CRTC2: variants seen among roughly 807,000 people sequenced by gnomAD.
CRTC2 encodes the protein CREB-regulated transcription coactivator 2.
Under a neutral mutation model 70.9 loss-of-function variants are expected in CRTC2, and 25 were observed. The observed-to-expected ratio is 0.35, with a 90% CI of 0.26 to 0.49. The LOEUF is 0.49. Ranked by LOEUF, CRTC2 falls within the 20% of genes least tolerant of loss-of-function variation. The pLI, the probability that CRTC2 is intolerant of heterozygous loss-of-function variation, is 0.98. For missense variants in CRTC2, 737 were observed against 882.6 expected (o/e 0.83, Z 2.09); for synonymous variants, 330 against 364.1 (o/e 0.91, Z 1.07).
Position 153,948,874 on chromosome 1 carries a change from T to C in CRTC2, c.1675-230A>G, listed in dbSNP as rs748765363. The C allele has an allele frequency of 4.0e-6, 3 of 742,804 alleles. No individual in the cohort carries two copies. In the African/African-American group the frequency reaches 5.2e-5, roughly 13 times the overall value. 46.0% of individuals were successfully genotyped at this position (742,804 alleles called of 1,614,324 possible). A position where few individuals can be genotyped will look rare whatever the true frequency, so the allele number is the denominator to read the frequency against. ...ATGTGCATGCCAGGAAGAGAACGGGTCAAGGCAGAAGTCATCAAAGAGCAA... is the reference window on the plus strand; with the variant it reads ...ATGTGCATGCCAGGAAGAGAACGGGCCAAGGCAGAAGTCATCAAAGAGCAA... On this transcript the variant is annotated intron_variant, in intron 12 of 13. Transcript: ENST00000368633.
chr1:153,952,656 G>A, intron 7 of CRTC2, 21 bp from the exon 8 acceptor site: 5 of 1,613,914 alleles, frequency 3.1e-6, no homozygotes, highest in Non-Finnish European at 4.2e-6. Context: ...AAAGACTGGT[G>A]ATGGGAGAGT....
intron 5 of CRTC2, 30 bp from the exon 6 acceptor site, chr1:153,953,399 C>T: frequency 6.5e-7 from 1 of 1,543,450 alleles, no homozygotes; most frequent in Non-Finnish European, 8.9e-7. Flanking sequence ...GAGCTGACAC[C>T]AGTGACAGTC....
At chr1:153,957,174 A>G (rs531243068) in intron 1 of CRTC2, among the ~76,000 whole-genome samples, 1 of 152,200 alleles carries the variant, frequency 6.6e-6, no homozygotes, top group South Asian at 2.1e-4. Flanking sequence ...CCCACAAACT[A>G]GGGCACATAG....
At chr1:153,953,164 C>A in intron 6 of CRTC2, 102 bp downstream of exon 6, 1 of 619,178 alleles carries the variant, frequency 1.6e-6, no homozygotes, top group African/African-American at 1.9e-5. Context: ...GCCTAGGCGA[C>A]AGAGTGAGAC....
Position 153,947,915 on chromosome 1 carries a change from C to G in CRTC2, c.*194G>C, listed in dbSNP as rs1680097947. 1.6e-6 allele frequency: 1 copy of G among 632,196 alleles called. No individual in the cohort carries two copies. The allele number at this position is 632,196 out of a possible 1,614,324, so 39.2% of individuals were successfully genotyped here. On this transcript the variant is annotated 3_prime_UTR_variant, in exon 14 of 14. Transcript: ENST00000368633. ...CTTTAGGCCCTCCCTTGAGTTCCCC[C>G]AGGCCCATCCCTTGCGCAGAATTCA...
At chr1:153,955,216 TTCCTTCAGCCA>T in intron 1 of CRTC2, 50 bp from the exon 2 acceptor site, 2 of 1,386,518 alleles carry the variant, frequency 1.4e-6, no homozygotes, top group Non-Finnish European at 2.0e-6. Context: ...TGAGCACTAT[TTCCTTCAGCCA>T]TCCTTGCCAT....
In CRTC2 at chr1:153,958,526, TCC is replaced by T. The variant is rs1680764662; in HGVS notation, c.-31_-30del. On this transcript the variant is annotated 5_prime_UTR_variant, in exon 1 of 14. Coordinates refer to ENST00000368633, the MANE Select transcript of CRTC2 (RefSeq NM_181715.3). ...CCTTCCCCGTCCCTCCCTGCCACCC[TCC>T]CAGTACCAGCCGCGGCCTCCGCCGC... 6.4e-7 allele frequency: 1 copy of T among 1,571,220 alleles called. No homozygotes were observed. Among genetic ancestry groups the T allele is most frequent in the African/African-American group, 1.4e-5 (1 of 73,222 alleles).
At position 153,948,306 on chromosome 1, in the gene CRTC2, T is replaced by TA; in HGVS notation, c.1884dup (p.Lys629Ter). ...CCGGCCAGGGCTGCTGCAATCTCCTTAGAGAAACCTGGAGAGGAGTCCCCT... is the reference window on the plus strand; with the variant it reads ...CCGGCCAGGGCTGCTGCAATCTCCTTAAGAGAAACCTGGAGAGGAGTCCCCT... On this transcript the variant is annotated frameshift_variant, in exon 14 of 14. Coordinates refer to ENST00000368633, the MANE Select transcript of CRTC2 (RefSeq NM_181715.3). LOFTEE classifies it high-confidence loss of function. 6.2e-7 allele frequency: 1 copy of TA among 1,614,200 alleles called. No individual in the cohort carries two copies. The highest frequency in any genetic ancestry group is 8.5e-7 in the Non-Finnish European group (1 of 1,180,012).
In CRTC2 at chr1:153,958,396, G is replaced by C; in HGVS notation, c.102C>G (p.Ala34=). Residue 34 remains alanine, a synonymous_variant, in exon 1 of 14, where the codon GCC becomes GCG. Transcript: ENST00000368633. Reference sequence around the variant, plus strand: ...CCTCCTCGAAGGCCGCCGTCTCCTCGGCCTGACGCTGCTTCTGCAGCGCAA... The same window carrying C: ...CCTCCTCGAAGGCCGCCGTCTCCTCCGCCTGACGCTGCTTCTGCAGCGCAA... The part of the protein sequence containing the change: ...EKIALQKQRQ[A]EETAAFEEVM... The C allele has an allele frequency of 6.2e-7, 1 of 1,613,242 alleles. No individual in the cohort carries two copies. Among genetic ancestry groups the C allele is most frequent in the South Asian group, 1.1e-5 (1 of 91,062 alleles).
chr1:153,948,726 C>A, intron 12 of CRTC2, 82 bp from the exon 13 acceptor site: 1 of 1,478,528 alleles, frequency 6.8e-7, no homozygotes, highest in East Asian at 2.3e-5. Context: ...TCCCCTTTGC[C>A]CAGCAACCTT....
rs1233467630 is a variant in CRTC2 at position 153,947,681 on chromosome 1, ATGAT to A, written c.*424_*427del. The stretch of plus-strand genomic sequence containing the variant: ...TAACTAACCACACCAAGGGTTTGAT[ATGAT>A]TTTTTTATTAACATATAATAATATA... On this transcript the variant is annotated 3_prime_UTR_variant, in exon 14 of 14. Coordinates refer to ENST00000368633, the MANE Select transcript of CRTC2 (RefSeq NM_181715.3). The A allele has an allele frequency of 3.3e-5, 5 of 153,100 alleles. No homozygotes were observed. Among genetic ancestry groups the A allele is most frequent in the African/African-American group, 9.7e-5 (4 of 41,428 alleles). 9.5% of individuals were successfully genotyped at this position (153,100 alleles called of 1,614,324 possible). A position where few individuals can be genotyped will look rare whatever the true frequency, so the allele number is the denominator to read the frequency against.
rs750756802 is a variant in CRTC2, at chr1:153,953,556, A to G, written c.485T>C (p.Leu162Pro). 1 of 1,611,430 alleles carries G rather than the reference A, an allele frequency of 6.2e-7. No homozygotes were observed. The highest frequency in any genetic ancestry group is 8.5e-7 in the Non-Finnish European group (1 of 1,179,400). Residue 162 changes from leucine to proline, a missense_variant, in exon 5 of 14, where the codon CTA becomes CCA. This residue lies in a region of CRTC2 where 699 missense variants were observed against 823.7 expected (regional missense o/e 0.85). Coordinates refer to ENST00000368633, the MANE Select transcript of CRTC2 (RefSeq NM_181715.3). ...FPAEKGQLFR[L>P]PSALNRTSSD... is the part of the protein sequence containing the mutation. The stretch of plus-strand genomic sequence containing the variant: ...CCATCACCTGTTAAGTGCAGATGGT[A>G]GTCGAAACAACTGCCCCTTCTCTGC...
chr1:153,951,765 G>T, intron 10 of CRTC2, 99 bp from the exon 11 acceptor site: 1 of 1,334,046 alleles, frequency 7.5e-7, no homozygotes. Flanking sequence ...CTATGAAAGC[G>T]GCAACACAAC....
chr1:153,949,497 C>T (rs1360451551), intron 11 of CRTC2, 113 bp from the exon 12 acceptor site: 8 of 1,159,154 alleles, frequency 6.9e-6, no homozygotes, highest in Non-Finnish European at 9.6e-6. Context: ...AACATGACAA[C>T]ATTCCACATT....
chr1:153,955,856 C>G (rs1373219818), intron 1 of CRTC2, among the ~76,000 whole-genome samples: 2 of 151,908 alleles, frequency 1.3e-5, no homozygotes, highest in African/African-American at 2.4e-5. Context: ...CAGGCAGAGA[C>G]AGATACTCTG....
chr1:153,951,081 G>T (rs184504331), intron 11 of CRTC2, among the ~76,000 whole-genome samples, 179 bp downstream of exon 11: 4 of 152,194 alleles, frequency 2.6e-5, no homozygotes, highest in Non-Finnish European at 4.4e-5. Context: ...ACAGCGTTTG[G>T]GTTTGCACTG....
rs1000595720 is a variant in CRTC2, at chr1:153,948,499, T to C, written c.1820A>G (p.His607Arg). Residue 607 changes from histidine to arginine, a missense_variant, in exon 13 of 14, where the codon CAC (histidine) becomes CGC (arginine). His to Arg is a conservative substitution (Grantham distance 29). Around this residue, in one of 3 missense-constraint regions of CRTC2, gnomAD observed 699 missense variants for 823.7 expected, o/e 0.85. Coordinates refer to ENST00000368633, the MANE Select transcript of CRTC2 (RefSeq NM_181715.3). Reference protein sequence around the residue: ...PHTFNHQNLTHCSRHGSGPNI... With the variant: ...PHTFNHQNLTRCSRHGSGPNI... ...AGGCCCTGAGCCATGGCGGGAACAG[T>C]GGGTCAAGTTCTGGTGGTTGAAGGT... The C allele has an allele frequency of 6.2e-7, 1 of 1,610,258 alleles. No individual in the cohort carries two copies. The highest frequency in any genetic ancestry group is 1.3e-5 in the African/African-American group (1 of 74,782).
intron 3 of CRTC2, 100 bp from the exon 4 acceptor site, chr1:153,954,416 T>C: frequency 1.3e-6 from 1 of 799,342 alleles, no homozygotes; most frequent in Non-Finnish European, 2.2e-6. Flanking sequence ...TTCAAGAAAC[T>C]CATACCTTTC....
intron 11 of CRTC2, 40 bp downstream of exon 11, chr1:153,951,220 G>C: frequency 6.2e-7 from 1 of 1,603,768 alleles, no homozygotes; most frequent in African/African-American, 1.3e-5. Context: ...AGGAGAAAAG[G>C]GAAGGGAGAC....
Sources: gnomAD v4.1 joint callset for allele counts (sites outside exome capture counted in the v4.1 genomes callset) on GRCh38, gnomAD v4.1.1 for gene constraint, gnomAD v4.1.1 regional missense constraint, MANE v1.5 for transcripts, NCBI Gene and HGNC (gene_info 2026-07-23, HGNC 2026-07-21) for gene names.